PCDH15: variants seen among roughly 807,000 people sequenced by gnomAD.
PCDH15 encodes protocadherin-15.
PCDH15 carries 129 observed loss-of-function variants against 178.5 expected under a neutral mutation model. That is an observed-to-expected ratio of 0.72 (90% CI 0.63 to 0.84). The LOEUF (loss-of-function observed/expected upper bound fraction) is 0.84, where lower values mean the gene tolerates loss of function less well. Among genes scored for constraint, PCDH15 ranks in the 40% least tolerant of loss-of-function variants. The probability of loss-of-function intolerance (pLI) is 0.00; values close to 1 mark genes in which losing one functional copy is unlikely to be tolerated. For synonymous variants in PCDH15, 800 were observed against 732.0 expected (o/e 1.09, Z -1.50); for missense variants, 2,230 against 2,099.9 (o/e 1.06, Z -1.21).
At chr10:54,228,889 C>A (rs2053757649) in intron 9 of PCDH15, among the ~76,000 whole-genome samples, 1 of 152,184 alleles carries the variant, frequency 6.6e-6, no homozygotes, top group African/African-American at 2.4e-5. Flanking sequence ...TGCCTTAAAT[C>A]AGTCAAGCTG....
At chr10:55,380,190 A>G (rs1041670429) in intron 2 of PCDH15, among the ~76,000 whole-genome samples, 6 of 152,170 alleles carry the variant, frequency 3.9e-5, no homozygotes, top group African/African-American at 1.4e-4. Flanking sequence ...AAAGAATTAT[A>G]AAGAGAGTAA....
At chr10:55,601,639 T>A (rs913411471) in intron 2 of PCDH15, among the ~76,000 whole-genome samples, 3 of 151,956 alleles carry the variant, frequency 2.0e-5, no homozygotes, top group Non-Finnish European at 4.4e-5. Flanking sequence ...ATATAAAGAA[T>A]AAAATTGAGT....
intron 20 of PCDH15, among the ~76,000 whole-genome samples, chr10:54,016,509 G>T (rs2092745406): frequency 6.6e-6 from 1 of 151,572 alleles, no homozygotes. Context: ...ACTAAATAAA[G>T]AAAATGTGGC....
chr10:55,092,255 G>A (rs1842336816), intron 2 of PCDH15, among the ~76,000 whole-genome samples: 1 of 151,688 alleles, frequency 6.6e-6, no homozygotes. Flanking sequence ...ACAAATAATA[G>A]CAGCACTTGA....
At chr10:54,062,252 A>AAAAAAAAAAAAAAAAAG (rs2094040900) in intron 18 of PCDH15, among the ~76,000 whole-genome samples, 1 of 72,222 alleles carries the variant, frequency 1.4e-5, no homozygotes, top group Non-Finnish European at 3.0e-5. Context: ...AAAAAAAAAA[A>AAAAAAAAAAAAAAAAAG]CAAAAAACAA....
intron 2 of PCDH15, among the ~76,000 whole-genome samples, 200 bp from the exon 3 acceptor site, chr10:54,528,077 T>A (rs2083533375): frequency 1.3e-5 from 2 of 152,116 alleles, no homozygotes; most frequent in South Asian, 4.1e-4. Context: ...ACAGTCACTT[T>A]GTGCATCACA....
At chr10:54,566,946 C>T (rs1456380177) in intron 2 of PCDH15, among the ~76,000 whole-genome samples, 1 of 152,084 alleles carries the variant, frequency 6.6e-6, no homozygotes, top group East Asian at 1.9e-4. Context: ...TTTGCAGTCC[C>T]CAGCAATGGA....
chr10:54,320,396 T>C (rs2061523869), intron 7 of PCDH15, among the ~76,000 whole-genome samples: 1 of 152,032 alleles, frequency 6.6e-6, no homozygotes, highest in South Asian at 2.1e-4. Context: ...TTTAAGGAGC[T>C]GTGTATATGC....
intron 1 of PCDH15, among the ~76,000 whole-genome samples, chr10:54,666,961 C>G (rs1267911984): frequency 6.6e-6 from 1 of 151,930 alleles, no homozygotes; most frequent in Non-Finnish European, 1.5e-5. Flanking sequence ...TCATTAATGT[C>G]ACTGCCATTA....
intron 2 of PCDH15, among the ~76,000 whole-genome samples, chr10:54,550,998 A>G (rs2086514524): frequency 6.6e-6 from 1 of 151,742 alleles, no homozygotes; most frequent in Non-Finnish European, 1.5e-5. Flanking sequence ...TCTACTAAAA[A>G]TACAAACATT....
At chr10:55,446,480 TC>T (rs1565148685) in intron 2 of PCDH15, among the ~76,000 whole-genome samples, 1 of 151,956 alleles carries the variant, frequency 6.6e-6, no homozygotes, top group Non-Finnish European at 1.5e-5. Context: ...AAAGTGAATC[TC>T]CCAAACTGTG....
intron 25 of PCDH15, among the ~76,000 whole-genome samples, chr10:53,924,400 G>T (rs1482065087): frequency 6.6e-6 from 1 of 152,202 alleles, no homozygotes; most frequent in Non-Finnish European, 1.5e-5. Context: ...TTCTCACTGG[G>T]CCTCAGCTGC....
chr10:55,065,162 G>A (rs1346089598), intron 2 of PCDH15, among the ~76,000 whole-genome samples: 1 of 151,936 alleles, frequency 6.6e-6, no homozygotes, highest in East Asian at 1.9e-4. Context: ...CTGATTTCTT[G>A]CTACATTTAA....
chr10:55,171,458 C>T (rs535363812), intron 1 of PCDH15, among the ~76,000 whole-genome samples: 2 of 151,986 alleles, frequency 1.3e-5, no homozygotes, highest in Admixed American at 6.6e-5. Flanking sequence ...TTTCATCCTT[C>T]TAGTAACTTC....
chr10:55,396,374 G>C (rs1236035335), intron 2 of PCDH15, among the ~76,000 whole-genome samples: 1 of 152,148 alleles, frequency 6.6e-6, no homozygotes, highest in Non-Finnish European at 1.5e-5. Flanking sequence ...ATGCTAGCCT[G>C]TCAATATTCA....
intron 1 of PCDH15, among the ~76,000 whole-genome samples, chr10:54,779,464 GTATA>G (rs375675036): frequency 1.1e-5 from 1 of 94,612 alleles, no homozygotes; most frequent in Non-Finnish European, 2.1e-5. Context: ...ATATATGTGT[GTATA>G]TATATACACA....
intron 2 of PCDH15, among the ~76,000 whole-genome samples, chr10:55,121,042 C>A (rs1381442905): frequency 6.6e-6 from 1 of 152,114 alleles, no homozygotes; most frequent in Non-Finnish European, 1.5e-5. Context: ...TACAAGACTG[C>A]AACAGCAGCC....
intron 2 of PCDH15, among the ~76,000 whole-genome samples, chr10:55,594,514 C>T (rs1842903682): frequency 6.6e-6 from 1 of 151,854 alleles, no homozygotes; most frequent in African/African-American, 2.4e-5. Flanking sequence ...TGCTAATTAC[C>T]ACAAATAGTA....
At chr10:54,135,269 TTAAAA>T (rs1364897014) in intron 14 of PCDH15, among the ~76,000 whole-genome samples, 1 of 152,166 alleles carries the variant, frequency 6.6e-6, no homozygotes, top group Non-Finnish European at 1.5e-5. Flanking sequence ...TCACTTTAAA[TTAAAA>T]TATTTTAAAC....
Sources: allele counts gnomAD v4.1 joint callset (sites outside exome capture counted in the v4.1 genomes callset), GRCh38; gene constraint gnomAD v4.1.1; transcripts MANE v1.5; gene names NCBI Gene and HGNC (gene_info 2026-07-23, HGNC 2026-07-21).